The following DTNA variants were observed in gnomAD, a reference collection of about 807,000 sequenced individuals.
DTNA encodes the protein dystrophin-related protein 3.
A neutral mutation model predicts 100.7 loss-of-function variants in DTNA; 43 were observed. That is an observed-to-expected ratio of 0.43 (90% CI 0.33 to 0.55). The LOEUF (loss-of-function observed/expected upper bound fraction) is 0.55, where lower values mean the gene tolerates loss of function less well. DTNA is among the 20% of genes least tolerant of loss of function. DTNA has a pLI of 0.04. For synonymous variants in DTNA, 349 were observed against 347.9 expected (o/e 1.00, Z -0.04); for missense variants, 798 against 953.9 (o/e 0.84, Z 2.15).
At chr18:34,803,461 G>A (rs2095278149) in intron 4 of DTNA, among the ~76,000 whole-genome samples, 1 of 151,946 alleles carries the variant, frequency 6.6e-6, no homozygotes, top group South Asian at 2.1e-4. Context: ...TTCATCCTTT[G>A]GAGAACTCTC....
Position 34,506,485 on chromosome 18 carries a change from C to T in DTNA, c.-2+12971C>T, listed in dbSNP as rs558098296. Reference sequence around the variant, plus strand: ...TGGCAAGGATGGAAGTGTAGGTTTCCCACACAGCTTGTGTTGGCATAGGTG... The same window carrying T: ...TGGCAAGGATGGAAGTGTAGGTTTCTCACACAGCTTGTGTTGGCATAGGTG... On this transcript the variant is annotated intron_variant, in intron 1 of 19. Coordinates refer to the DTNA transcript ENST00000283365. 1.1e-4 allele frequency among the ~76,000 whole-genome samples: 16 copies of T among 152,262 alleles called. No individual in the cohort carries two copies. The South Asian group carries it at 3.1e-3, about 30-fold the overall frequency.
At chr18:34,630,666 C>T (rs2057960304) in intron 1 of DTNA, among the ~76,000 whole-genome samples, 1 of 152,062 alleles carries the variant, frequency 6.6e-6, no homozygotes, top group Non-Finnish European at 1.5e-5. Context: ...GATGTAATAA[C>T]CTCTTGGATT....
intron 1 of DTNA, among the ~76,000 whole-genome samples, chr18:34,667,514 G>T (rs899713523): frequency 2.0e-5 from 3 of 152,174 alleles, no homozygotes; most frequent in African/African-American, 7.2e-5. Context: ...TTTTCAAAGG[G>T]AATGCTTCCA....
At chr18:34,854,139 C>A (rs759671005) in intron 15 of DTNA, among the ~76,000 whole-genome samples, 1 of 152,088 alleles carries the variant, frequency 6.6e-6, no homozygotes, top group Admixed American at 6.6e-5. Context: ...ACACTGATGA[C>A]AATGGGGAGT....
chr18:34,646,949 C>T (rs1185244639), intron 1 of DTNA, among the ~76,000 whole-genome samples: 3 of 151,948 alleles, frequency 2.0e-5, no homozygotes, highest in Admixed American at 6.6e-5. Context: ...CTCTTGACCT[C>T]GTGATCCACC....
chr18:34,880,540 G>T (rs1420129565), intron 20 of DTNA, among the ~76,000 whole-genome samples: 8 of 152,274 alleles, frequency 5.3e-5, no homozygotes, highest in African/African-American at 1.7e-4. Flanking sequence ...GTTTCTGAAT[G>T]CTAAAAATAC....
At chr18:34,845,059 C>T (rs1568744290) in intron 13 of DTNA, among the ~76,000 whole-genome samples, 1 of 152,116 alleles carries the variant, frequency 6.6e-6, no homozygotes, top group Admixed American at 6.6e-5. Context: ...AAATGAATAG[C>T]TAGGGCTGGA....
chr18:34,519,104 G>C (rs1190287200), intron 1 of DTNA, among the ~76,000 whole-genome samples: 1 of 152,074 alleles, frequency 6.6e-6, no homozygotes, highest in African/African-American at 2.4e-5. Context: ...TATCCAAAAG[G>C]ATAAAACAAG....
intron 3 of DTNA, among the ~76,000 whole-genome samples, chr18:34,785,065 C>T (rs182378874): frequency 0.019 from 2,870 of 152,012 alleles, 52 homozygotes; most frequent in Non-Finnish European, 0.026. Flanking sequence ...TAGGCGCCCA[C>T]CACCACGCCC....
At chr18:34,684,019 T>C (rs563562562) in intron 1 of DTNA, among the ~76,000 whole-genome samples, 1 of 152,166 alleles carries the variant, frequency 6.6e-6, no homozygotes, top group East Asian at 1.9e-4. Flanking sequence ...ATGTTGCCTG[T>C]AGGGTCAAGG....
intron 1 of DTNA, among the ~76,000 whole-genome samples, chr18:34,553,347 G>A (rs1036030213): frequency 6.6e-6 from 1 of 151,400 alleles, no homozygotes; most frequent in African/African-American, 2.4e-5. Flanking sequence ...CACTCTGATG[G>A]TAGTTTCTTT....
intron 1 of DTNA, among the ~76,000 whole-genome samples, chr18:34,587,492 ATAAC>A (rs1409833970): frequency 2.7e-5 from 4 of 149,064 alleles, no homozygotes; most frequent in African/African-American, 1.0e-4. Flanking sequence ...GCTTTGAAAA[ATAAC>A]TATGTTATCT....
chr18:34,846,455 A>G (rs1046012831), intron 13 of DTNA, among the ~76,000 whole-genome samples: 1 of 152,148 alleles, frequency 6.6e-6, no homozygotes, highest in Non-Finnish European at 1.5e-5. Flanking sequence ...CATTTGAGCA[A>G]AAGGAAAGAG....
chr18:34,723,098 G>T (rs1024930235), intron 1 of DTNA, among the ~76,000 whole-genome samples: 1 of 151,976 alleles, frequency 6.6e-6, no homozygotes, highest in Non-Finnish European at 1.5e-5. Flanking sequence ...ATAAATATAA[G>T]AATTAAAAGT....
intron 15 of DTNA, among the ~76,000 whole-genome samples, chr18:34,855,876 T>C (rs2096546425): frequency 6.6e-6 from 1 of 152,116 alleles, no homozygotes; most frequent in Non-Finnish European, 1.5e-5. Flanking sequence ...GGCATGGGGG[T>C]AACACATTTG....
chr18:34,886,335 G>T (rs1041152357), intron 22 of DTNA, among the ~76,000 whole-genome samples: 1 of 152,144 alleles, frequency 6.6e-6, no homozygotes, highest in African/African-American at 2.4e-5. Context: ...CTGGATTTGA[G>T]AGTGCCACCA....
At chr18:34,707,487 G>A (rs1047477791), upstream of DTNA, among the ~76,000 whole-genome samples, 1 of 152,064 alleles carries the variant, frequency 6.6e-6, no homozygotes, top group Non-Finnish European at 1.5e-5. Flanking sequence ...AGAATCAACA[G>A]TCACTTTAAC....
intron 1 of DTNA, among the ~76,000 whole-genome samples, chr18:34,673,459 G>T (rs573004666): frequency 6.7e-6 from 1 of 149,664 alleles, no homozygotes; most frequent in Non-Finnish European, 1.5e-5. Flanking sequence ...GTATCATCTC[G>T]ATAAGCAACT....
intron 1 of DTNA, among the ~76,000 whole-genome samples, chr18:34,513,211 A>T (rs953246828): frequency 1.3e-5 from 2 of 152,116 alleles, no homozygotes; most frequent in Admixed American, 1.3e-4. Flanking sequence ...TTCCATGTCC[A>T]TGAATCCAGA....
Sources: allele counts gnomAD v4.1 joint callset (sites outside exome capture counted in the v4.1 genomes callset), GRCh38; gene constraint gnomAD v4.1.1; transcripts MANE v1.5; gene names NCBI Gene and HGNC (gene_info 2026-07-23, HGNC 2026-07-21).